Variants in KYAT3 observed in about 807,000 individuals in gnomAD.
KYAT3 encodes the protein kynurenine aminotransferase 3.
In KYAT3, 50 loss-of-function variants were observed where a neutral mutation model predicts 59.0. That is an observed-to-expected ratio of 0.85 (90% CI 0.68 to 1.07). The LOEUF (loss-of-function observed/expected upper bound fraction) is 1.07. Ranked by LOEUF, KYAT3 falls within the 50% of genes least tolerant of loss-of-function variation. The pLI, the probability that KYAT3 is intolerant of heterozygous loss-of-function variation, is 0.00. For missense variants in KYAT3, 497 were observed against 533.3 expected, an observed-to-expected ratio of 0.93 and a Z score of 0.67; for synonymous variants, 148 against 177.0, an observed-to-expected ratio of 0.84 and a Z score of 1.30.
intron 5 of KYAT3, among the ~76,000 whole-genome samples, chr1:88,964,067 G>A (rs967838870): frequency 3.9e-5 from 6 of 152,162 alleles, no homozygotes; most frequent in African/African-American, 7.2e-5. Context: ...GCTGGGCTTC[G>A]TGGCGGGCGC....
the KYAT3 span, among the ~76,000 whole-genome samples, chr1:88,925,399 C>T: frequency 6.6e-6 from 1 of 152,212 alleles, no homozygotes. Context: ...TTCCTCTGAT[C>T]CCTGCCTCCT....
intron 2 of KYAT3, chr1:88,983,180 G>A (rs1220392846): frequency 6.2e-7 from 1 of 1,612,512 alleles, no homozygotes; most frequent in South Asian, 1.1e-5. Flanking sequence ...GCTGTCTTTA[G>A]TAGAATACCC....
At chr1:88,962,444 G>A (rs1457660097) in intron 5 of KYAT3, among the ~76,000 whole-genome samples, 1 of 151,960 alleles carries the variant, frequency 6.6e-6, no homozygotes, top group African/African-American at 2.4e-5. Context: ...CTGGAGAATG[G>A]GACTATCACA....
chr1:88,983,324 G>A, intron 2 of KYAT3: 4 of 1,614,120 alleles, frequency 2.5e-6, no homozygotes, highest in Non-Finnish European at 3.4e-6. Context: ...AACTAGTCCT[G>A]AAGGTGCAGA....
At chr1:88,988,062 T>C (rs1296412054) in intron 2 of KYAT3, among the ~76,000 whole-genome samples, 190 bp downstream of exon 2, 2 of 152,250 alleles carry the variant, frequency 1.3e-5, no homozygotes, top group African/African-American at 2.4e-5. Context: ...GCACATGGCC[T>C]GATCCACAGA....
intron 8 of KYAT3, among the ~76,000 whole-genome samples, chr1:88,958,221 T>G (rs1476251905): frequency 1.3e-5 from 2 of 152,116 alleles, no homozygotes; most frequent in African/African-American, 4.8e-5. Context: ...ACAAATCTGC[T>G]CCTCTCCATA....
rs1172745766 is a variant in KYAT3 at position 88,975,681 on chromosome 1, T to G, written c.100-6214A>C. Reference sequence around the variant, plus strand: ...ATTATATATACAACACAGAGTCATGTGCTGCATAAACACGTTTTGGTCAAT... The same window carrying G: ...ATTATATATACAACACAGAGTCATGGGCTGCATAAACACGTTTTGGTCAAT... On this transcript the variant is annotated intron_variant, in intron 2 of 13. Coordinates refer to ENST00000260508, the MANE Select transcript of KYAT3 (RefSeq NM_001008661.3). Among the ~76,000 whole-genome samples the G allele has an allele frequency of 2.6e-5, 4 of 152,248 alleles. No individual in the cohort carries two copies. In the East Asian group the frequency reaches 7.7e-4, roughly 29 times the overall value.
At chr1:88,977,393 G>A (rs1676834221) in intron 2 of KYAT3, among the ~76,000 whole-genome samples, 1 of 152,122 alleles carries the variant, frequency 6.6e-6, no homozygotes, top group African/African-American at 2.4e-5. Context: ...ATAGAGATGG[G>A]GTTTCACCAT....
chr1:88,986,673 G>A (rs931916691), intron 2 of KYAT3, among the ~76,000 whole-genome samples: 1 of 152,082 alleles, frequency 6.6e-6, no homozygotes, highest in Non-Finnish European at 1.5e-5. Context: ...AAGTAATACA[G>A]GAAAATACAG....
intron 12 of KYAT3, 108 bp downstream of exon 12, chr1:88,943,242 A>G: frequency 2.1e-6 from 2 of 965,376 alleles, no homozygotes; most frequent in Non-Finnish European, 3.2e-6. Context: ...CAAGTGGAGT[A>G]TCATATAACA....
chr1:88,925,141 G>C, the KYAT3 span, among the ~76,000 whole-genome samples: 328 of 152,302 alleles, frequency 2.2e-3, 2 homozygotes, highest in African/African-American at 7.6e-3. Flanking sequence ...GGCACCTGTC[G>C]TCCGGTTCGT....
intron 2 of KYAT3, among the ~76,000 whole-genome samples, chr1:88,987,778 CAAT>C (rs1677550630): frequency 6.6e-6 from 1 of 152,200 alleles, no homozygotes; most frequent in Non-Finnish European, 1.5e-5. Context: ...ACCTCACCAA[CAAT>C]AATTTCTTGT....
the KYAT3 span, among the ~76,000 whole-genome samples, chr1:88,929,885 A>G: frequency 1.3e-5 from 2 of 152,244 alleles, no homozygotes. Context: ...GTACGGCGAA[A>G]TAGCCAGGCC....
At chr1:88,968,348 C>T (rs1676420705) in intron 4 of KYAT3, among the ~76,000 whole-genome samples, 2 of 152,146 alleles carry the variant, frequency 1.3e-5, no homozygotes, top group African/African-American at 4.8e-5. Context: ...AGGGTCAGTG[C>T]TCAGGCTGCA....
In KYAT3 at chr1:88,937,920, G is replaced by C. The variant is rs10158675; in HGVS notation, c.1303-1675C>G. 8.5e-3 allele frequency among the ~76,000 whole-genome samples: 1,299 copies of C among 152,254 alleles called. 16 individuals carry two copies. The highest frequency in any genetic ancestry group is 0.03 in the African/African-American group (1,256 of 41,534). On this transcript the variant is annotated intron_variant, in intron 13 of 13. Transcript: ENST00000260508. Reference sequence around the variant, plus strand: ...ACTGAGAAACCATTCTAGCTTGAAGGAGACATGACAACTAAATGCAATGCA... The same window carrying C: ...ACTGAGAAACCATTCTAGCTTGAAGCAGACATGACAACTAAATGCAATGCA...
At chr1:88,933,507 G>T (rs920990122), downstream of KYAT3, among the ~76,000 whole-genome samples, 1 of 152,092 alleles carries the variant, frequency 6.6e-6, no homozygotes, top group African/African-American at 2.4e-5. Flanking sequence ...AAGATAGAAA[G>T]AATTTTGCCC....
chr1:88,974,885 C>T (rs1280870844), intron 2 of KYAT3, among the ~76,000 whole-genome samples: 4 of 152,106 alleles, frequency 2.6e-5, no homozygotes, highest in African/African-American at 7.2e-5. Flanking sequence ...ATGGACCAAT[C>T]GGTGCTCTGT....
chr1:88,979,233 T>G (rs1676951386), intron 2 of KYAT3, among the ~76,000 whole-genome samples: 1 of 152,194 alleles, frequency 6.6e-6, no homozygotes, highest in Non-Finnish European at 1.5e-5. Context: ...TTGTACCCAT[T>G]ATCTCAGTTT....
intron 8 of KYAT3, among the ~76,000 whole-genome samples, chr1:88,958,808 A>C (rs796915484): frequency 3.9e-5 from 6 of 152,268 alleles, no homozygotes; most frequent in African/African-American, 1.4e-4. Context: ...GGAATTCACA[A>C]TATCACCATT....
Sources: allele counts gnomAD v4.1 joint callset (sites outside exome capture counted in the v4.1 genomes callset), GRCh38; gene constraint gnomAD v4.1.1; transcripts MANE v1.5; gene names NCBI Gene and HGNC (gene_info 2026-07-23, HGNC 2026-07-21).